LAMA4: variants seen among roughly 807,000 people sequenced by gnomAD.
The protein encoded by LAMA4 is laminin subunit alpha-4.
LAMA4 carries 127 observed loss-of-function variants against 207.1 expected under a neutral mutation model. That is an observed-to-expected ratio of 0.61 (90% CI 0.53 to 0.71). The LOEUF (loss-of-function observed/expected upper bound fraction) is 0.71. Ranked by LOEUF, LAMA4 falls within the 30% of genes least tolerant of loss-of-function variation. The pLI is 0.00. For missense variants in LAMA4, 2,093 were observed against 2,246.5 expected, an observed-to-expected ratio of 0.93 and a Z score of 1.38; for synonymous variants, 761 against 816.0, an observed-to-expected ratio of 0.93 and a Z score of 1.15.
At chr6:112,209,975 C>A (rs1376948618) in intron 3 of LAMA4, among the ~76,000 whole-genome samples, 2 of 151,936 alleles carry the variant, frequency 1.3e-5, no homozygotes, top group Non-Finnish European at 2.9e-5. Context: ...GTTCTGAGAT[C>A]TGGTTGTTTG....
At chr6:112,245,146 C>T (rs1334578715) in intron 2 of LAMA4, among the ~76,000 whole-genome samples, 3 of 152,178 alleles carry the variant, frequency 2.0e-5, no homozygotes, top group Admixed American at 6.5e-5. Context: ...TTAGGTAACA[C>T]CTTCAGCTTG....
intron 31 of LAMA4, 24 bp from the exon 32 acceptor site, chr6:112,122,225 G>T: frequency 6.3e-7 from 1 of 1,589,594 alleles, no homozygotes; most frequent in South Asian, 1.1e-5. Context: ...CCAAATTAAG[G>T]GATAAAAGTG....
Position 112,117,725 on chromosome 6 carries a change from A to G in LAMA4, c.4981+14T>C, listed in dbSNP as rs1778104146. 3 of 1,611,138 alleles carry G rather than the reference A, an allele frequency of 1.9e-6. No individual in the cohort carries two copies. The highest frequency in any genetic ancestry group is 2.5e-6 in the Non-Finnish European group (3 of 1,177,738). ...GCATTTCATGACTCATATTTTTAACATGACTAATGTTACCTAGAACCACGT... is the reference window on the plus strand; with the variant it reads ...GCATTTCATGACTCATATTTTTAACGTGACTAATGTTACCTAGAACCACGT... On this transcript the variant is annotated intron_variant, in intron 35 of 38. Coordinates refer to ENST00000230538, the MANE Select transcript of LAMA4 (RefSeq NM_001105206.3). The surrounding 1 kb of genome is among the most constrained non-coding windows in gnomAD (Gnocchi z 4.5).
chr6:112,130,901 T>C (rs1280713785), intron 29 of LAMA4, 67 bp downstream of exon 29: 28 of 1,526,396 alleles, frequency 1.8e-5, no homozygotes, highest in Non-Finnish European at 2.4e-5. Context: ...TTATTCATAG[T>C]GGTTTTTGAC....
At chr6:112,129,266 C>G (rs1311817944) in intron 30 of LAMA4, among the ~76,000 whole-genome samples, 191 bp from the exon 31 acceptor site, 1 of 151,904 alleles carries the variant, frequency 6.6e-6, no homozygotes, top group Non-Finnish European at 1.5e-5. Context: ...TAACATTCAA[C>G]CTGTTAATAA....
rs189592332 is a variant in LAMA4 at position 112,120,546 on chromosome 6, A to G, written c.4476-74T>C. The G allele has an allele frequency of 2.6e-3, 3,021 of 1,160,214 alleles. 7 individuals carry two copies. Among genetic ancestry groups the G allele is most frequent in the Non-Finnish European group, 3.3e-3 (2,616 of 783,210 alleles). 71.9% of individuals were successfully genotyped at this position (1,160,214 alleles called of 1,614,324 possible). ...ATAATCTCTAACTTCTTAAAATAAT[A>G]CAGTGTAAGGAAGAATAAACAAGTA... On this transcript the variant is annotated intron_variant, in intron 32 of 38. Transcript: ENST00000230538.
intron 2 of LAMA4, among the ~76,000 whole-genome samples, chr6:112,239,748 T>G (rs1464142875): frequency 1.3e-5 from 2 of 152,154 alleles, no homozygotes; most frequent in African/African-American, 2.4e-5. Flanking sequence ...TTAAAGGAGT[T>G]AGCAGCCTAT....
intron 6 of LAMA4, among the ~76,000 whole-genome samples, chr6:112,191,369 G>T (rs576936605): frequency 1.3e-5 from 2 of 152,248 alleles, no homozygotes; most frequent in East Asian, 3.9e-4. Context: ...AAACTAGAAG[G>T]ATATAAGATG....
At chr6:112,168,588 C>CGG (rs2114847349) in intron 12 of LAMA4, among the ~76,000 whole-genome samples, 1 of 151,920 alleles carries the variant, frequency 6.6e-6, no homozygotes, top group South Asian at 2.1e-4. Context: ...TCAGGTGATC[C>CGG]ACCTGCCTTG....
Position 112,129,057 on chromosome 6 carries a change from C to G in LAMA4, c.4152G>C (p.Glu1384Asp). 1 of 1,612,124 alleles carries G rather than the reference C, an allele frequency of 6.2e-7. No individual in the cohort carries two copies. Among genetic ancestry groups the G allele is most frequent in the Non-Finnish European group, 8.5e-7 (1 of 1,178,396 alleles). ...CAGTATACCGTTGGAAATCTTCAAC[C>G]TCCACATCTCTATCCACCCTGTGTT... ...AYFTRVDRDV[E>D]VEDFQRYTEK... The change falls in exon 31 of 39, where the codon GAG (glutamate) becomes GAC (aspartate). Residue 1384 changes from glutamate to aspartate, a missense_variant. Transcript: ENST00000230538.
intron 2 of LAMA4, among the ~76,000 whole-genome samples, chr6:112,238,592 A>G (rs535346209): frequency 1.3e-4 from 20 of 152,218 alleles, no homozygotes; most frequent in African/African-American, 4.1e-4. Context: ...CTGTAGTCCC[A>G]GCTACTCCAG....
chr6:112,215,742 ACTT>A (rs782553434), intron 3 of LAMA4, among the ~76,000 whole-genome samples: 1 of 152,198 alleles, frequency 6.6e-6, no homozygotes, highest in Admixed American at 6.5e-5. Context: ...CTGCTGGAAG[ACTT>A]CTCAATCTTT....
rs75467680 is a variant in LAMA4 at position 112,219,806 on chromosome 6, C to T, written c.196-3337G>A. ...CCACAGTAGCCCTATGAGGTAGGTT[C>T]CCTTGTCTTTGTTTTACTGGTGAGG... On this transcript the variant is annotated intron_variant, in intron 2 of 38. Transcript: ENST00000230538. 1.1e-3 allele frequency among the ~76,000 whole-genome samples: 175 copies of T among 152,226 alleles called. No homozygotes were observed. In the East Asian group the frequency reaches 0.015, roughly 13 times the overall value.
rs1554320907 is a variant in LAMA4 at position 112,109,463 on chromosome 6, T to C, written c.5446A>G (p.Ser1816Gly). Residue 1816 changes from serine (S) to glycine (G), a missense_variant, in exon 39 of 39, where the codon AGC becomes GGC. Physicochemically the swap from Ser to Gly is moderately conservative, Grantham distance 56. This residue lies in a region of LAMA4 where 383 missense variants were observed against 437.8 expected (regional missense o/e 0.87). Coordinates refer to ENST00000230538, the MANE Select transcript of LAMA4 (RefSeq NM_001105206.3). ...CAGGCTGCTGGACAGGAGTTGATGCTTACGGCGCCGCTGACCAGGGCTGCT... is the reference window on the plus strand; with the variant it reads ...CAGGCTGCTGGACAGGAGTTGATGCCTACGGCGCCGCTGACCAGGGCTGCT... Reference protein sequence around the residue: ...SKAALVSGAVSINSCPAA With the variant: ...SKAALVSGAVGINSCPAA 1 of 1,614,066 alleles carries C rather than the reference T, an allele frequency of 6.2e-7. No homozygotes were observed. The highest frequency in any genetic ancestry group is 1.7e-5 in the Admixed American group (1 of 59,992).
At chr6:112,193,459 G>GA (rs1373068713) in intron 5 of LAMA4, among the ~76,000 whole-genome samples, 3 of 144,458 alleles carry the variant, frequency 2.1e-5, no homozygotes, top group Admixed American at 2.0e-4. Flanking sequence ...CAGAACATTT[G>GA]AAAAACAGAT....
intron 3 of LAMA4, among the ~76,000 whole-genome samples, chr6:112,207,460 C>T (rs578110055): frequency 5.4e-4 from 82 of 151,980 alleles, no homozygotes; most frequent in Middle Eastern, 3.4e-3. Context: ...TCAGAATGAT[C>T]AAACCCTGGA....
chr6:112,177,167 GTA>G (rs1562697488), intron 10 of LAMA4, among the ~76,000 whole-genome samples: 5 of 152,326 alleles, frequency 3.3e-5, no homozygotes, highest in Admixed American at 3.3e-4. Flanking sequence ...CCATGAGAGA[GTA>G]TGTGAGTGAG....
At chr6:112,150,409 TA>T in intron 17 of LAMA4, 101 bp downstream of exon 17, 1 of 832,132 alleles carries the variant, frequency 1.2e-6, no homozygotes, top group Non-Finnish European at 2.1e-6. Flanking sequence ...CATTTATGTA[TA>T]AAATCATTGA....
rs111953892 is a variant in LAMA4 at position 112,198,205 on chromosome 6, T to C, written c.503+3403A>G. Among the ~76,000 whole-genome samples, 689 of 152,062 alleles carry C rather than the reference T, an allele frequency of 4.5e-3. 4 individuals carry two copies. The highest frequency in any genetic ancestry group is 0.015 in the African/African-American group (630 of 41,474). On this transcript the variant is annotated intron_variant, in intron 5 of 38. Transcript: ENST00000230538. ...CTGGATATTCTTTTTCAGTGGGTGG[T>C]GAAGGGGAGTTGGGGAGGGCTCAGG...
Sources: allele counts gnomAD v4.1 joint callset (sites outside exome capture counted in the v4.1 genomes callset), GRCh38; gene constraint gnomAD v4.1.1; regional missense constraint gnomAD v4.1.1; non-coding constraint Gnocchi (gnomAD v3.1); transcripts MANE v1.5; gene names NCBI Gene and HGNC (gene_info 2026-07-23, HGNC 2026-07-21).